The following GPCPD1 variants were observed in gnomAD, a reference collection of about 807,000 sequenced individuals.
GPCPD1 encodes the protein glycerophosphocholine phosphodiesterase GPCPD1.
GPCPD1 carries 29 observed loss-of-function variants against 89.2 expected under a neutral mutation model. That is an observed-to-expected ratio of 0.33 (90% CI 0.24 to 0.44). GPCPD1 has a LOEUF of 0.44. Ranked by LOEUF, GPCPD1 falls within the 20% of genes least tolerant of loss-of-function variation. GPCPD1 has a pLI of 1.00. For missense variants in GPCPD1, 594 were observed against 808.9 expected (o/e 0.73, Z 3.22); for synonymous variants, 258 against 266.3 (o/e 0.97, Z 0.30).
chr20:5,590,162 G>A (rs1162305868), intron 4 of GPCPD1, among the ~76,000 whole-genome samples: 2 of 152,074 alleles, frequency 1.3e-5, no homozygotes, highest in Non-Finnish European at 2.9e-5. Flanking sequence ...TAATATCACT[G>A]CTTGCATATA....
chr20:5,565,380 C>T (rs1369494692), intron 14 of GPCPD1, among the ~76,000 whole-genome samples: 1 of 151,868 alleles, frequency 6.6e-6, no homozygotes, highest in Non-Finnish European at 1.5e-5. Flanking sequence ...CATAGACATG[C>T]ACTACCACAT....
chr20:5,597,506 GGATT>G (rs1407681680), intron 3 of GPCPD1, among the ~76,000 whole-genome samples: 2 of 152,130 alleles, frequency 1.3e-5, no homozygotes, highest in East Asian at 1.9e-4. Flanking sequence ...CTCACATCAT[GGATT>G]GATTTTTTTA....
At chr20:5,602,310 G>A (rs999263775) in intron 2 of GPCPD1, among the ~76,000 whole-genome samples, 8 of 152,152 alleles carry the variant, frequency 5.3e-5, no homozygotes, top group African/African-American at 1.7e-4. Flanking sequence ...CCATTTGCCC[G>A]ACATGGCCAG....
In GPCPD1 at chr20:5,561,547, T is replaced by G. The variant is rs563477302; in HGVS notation, c.1330-17A>C. 4.9e-5 allele frequency: 74 copies of G among 1,517,784 alleles called. No homozygotes were observed. Among genetic ancestry groups the G allele is most frequent in the Middle Eastern group, 1.7e-4 (1 of 5,816 alleles). The allele number at this position is 1,517,784 out of a possible 1,614,324, so 94.0% of individuals were successfully genotyped here. ...CTCTAAAACCTACAGTTTTGTTTGT[T>G]GGTAAATTTTGTTTTTGATGAGATG... On this transcript the variant is annotated splice_polypyrimidine_tract_variant and intron_variant, in intron 15 of 19. Transcript: ENST00000379019.
intron 1 of GPCPD1, 118 bp from the exon 2 acceptor site, chr20:5,604,558 T>C (rs1980411729): frequency 3.0e-6 from 1 of 331,968 alleles, no homozygotes; most frequent in Non-Finnish European, 5.7e-6. Flanking sequence ...TTTAATGTCT[T>C]TGCAGTTTTA....
chr20:5,609,866 CTG>C, intron 1 of GPCPD1, among the ~76,000 whole-genome samples: 1 of 140,284 alleles, frequency 7.1e-6, no homozygotes, highest in East Asian at 2.1e-4. Context: ...AAAAAAAAGA[CTG>C]ATACCTTGTA....
chr20:5,600,270 T>C (rs893749931), intron 2 of GPCPD1, among the ~76,000 whole-genome samples: 5 of 152,226 alleles, frequency 3.3e-5, no homozygotes, highest in Non-Finnish European at 5.9e-5. Flanking sequence ...TCTAAATACA[T>C]GTGGGCCGGG....
chr20:5,598,481 T>TA (rs895897528), intron 3 of GPCPD1, among the ~76,000 whole-genome samples: 6 of 135,932 alleles, frequency 4.4e-5, no homozygotes, highest in Non-Finnish European at 8.0e-5. Context: ...GTTGTAAAAA[T>TA]AAAAAATACA....
At chr20:5,579,982 T>C (rs1338790331) in intron 7 of GPCPD1, 26 bp downstream of exon 7, 1 of 1,454,912 alleles carries the variant, frequency 6.9e-7, no homozygotes, top group Non-Finnish European at 9.5e-7. Context: ...ACAAATAGCC[T>C]AAGTAACACA....
chr20:5,577,061 T>TG (rs1414107492), intron 8 of GPCPD1, among the ~76,000 whole-genome samples: 12 of 114,072 alleles, frequency 1.1e-4, no homozygotes, highest in Non-Finnish European at 2.1e-4. Flanking sequence ...TTGTTTTTTT[T>TG]TTTGTTTTTT....
chr20:5,589,871 C>T (rs570864064), intron 4 of GPCPD1, among the ~76,000 whole-genome samples: 1 of 152,262 alleles, frequency 6.6e-6, no homozygotes, highest in East Asian at 1.9e-4. Context: ...GTAATGATGT[C>T]AATCTAAGAC....
chr20:5,574,590 T>C (rs1978285397), intron 10 of GPCPD1, among the ~76,000 whole-genome samples: 1 of 151,828 alleles, frequency 6.6e-6, no homozygotes, highest in African/African-American at 2.4e-5. Flanking sequence ...ACCAAAAAAA[T>C]AGCTGGGCAT....
intron 3 of GPCPD1, 50 bp downstream of exon 3, chr20:5,598,675 C>A: frequency 9.3e-7 from 1 of 1,074,042 alleles, no homozygotes; most frequent in African/African-American, 1.5e-5. Context: ...CCCCTAACAT[C>A]ATAAGGTTAA....
chr20:5,558,162 T>C, intron 18 of GPCPD1, 57 bp from the exon 19 acceptor site: 1 of 1,058,500 alleles, frequency 9.4e-7, no homozygotes. Context: ...CAAAGCTAAA[T>C]GCTCACACTC....
At chr20:5,594,147 A>T (rs879526682) in intron 3 of GPCPD1, among the ~76,000 whole-genome samples, 1 of 152,248 alleles carries the variant, frequency 6.6e-6, no homozygotes, top group Non-Finnish European at 1.5e-5. Flanking sequence ...ATAATAAACT[A>T]GTGCTATCCA....
rs1985870499 is a variant in GPCPD1 at position 5,557,932 on chromosome 20, G to A, written c.1829+13C>T. 6.9e-7 allele frequency: 1 copy of A among 1,442,432 alleles called. No homozygotes were observed. The highest frequency in any genetic ancestry group is 9.5e-7 in the Non-Finnish European group (1 of 1,049,356). The allele number at this position is 1,442,432 out of a possible 1,614,324, so 89.4% of individuals were successfully genotyped here. On this transcript the variant is annotated intron_variant, in intron 19 of 19. Coordinates refer to ENST00000379019, the MANE Select transcript of GPCPD1 (RefSeq NM_019593.5). ...TCTAAATTCCATGAAAATTTTTCAT[G>A]AAAAACAAATACCTATCATAAATTA...
At chr20:5,564,277 T>C (rs555765004) in intron 15 of GPCPD1, among the ~76,000 whole-genome samples, 2 of 152,130 alleles carry the variant, frequency 1.3e-5, no homozygotes, top group African/African-American at 4.8e-5. Context: ...TTTTCTTTGG[T>C]TGAAGAAACT....
At chr20:5,609,333 T>C (rs1980800646) in intron 1 of GPCPD1, among the ~76,000 whole-genome samples, 1 of 152,246 alleles carries the variant, frequency 6.6e-6, no homozygotes, top group Non-Finnish European at 1.5e-5. Flanking sequence ...CGACCCTTGC[T>C]ACATTTCTGA....
At chr20:5,558,606 A>C in intron 18 of GPCPD1, 78 bp downstream of exon 18, 1 of 834,442 alleles carries the variant, frequency 1.2e-6, no homozygotes, top group Non-Finnish European at 1.9e-6. Flanking sequence ...TAGATGGGTA[A>C]AGTAATATGA....
Sources: allele counts gnomAD v4.1 joint callset (sites outside exome capture counted in the v4.1 genomes callset), GRCh38; gene constraint gnomAD v4.1.1; transcripts MANE v1.5; gene names NCBI Gene and HGNC (gene_info 2026-07-23, HGNC 2026-07-21).